VGLL4: variants seen among roughly 807,000 people sequenced by gnomAD.
VGLL4 encodes vestigial like family member 4.
Under a neutral mutation model 21.0 loss-of-function variants are expected in VGLL4, and 7 were observed. The observed-to-expected ratio is 0.33, with a 90% confidence interval of 0.19 to 0.63. The LOEUF is 0.63. Ranked by LOEUF, VGLL4 falls within the 20% of genes least tolerant of loss-of-function variation. The probability of loss-of-function intolerance (pLI) is 0.78; values close to 1 mark genes in which losing one functional copy is unlikely to be tolerated. For synonymous variants in VGLL4, 222 were observed against 173.2 expected (o/e 1.28, Z -2.21); for missense variants, 394 against 425.7 (o/e 0.93, Z 0.66).
At chr3:11,716,013 A>G (rs2076914060) in intron 1 of VGLL4, among the ~76,000 whole-genome samples, 1 of 152,032 alleles carries the variant, frequency 6.6e-6, no homozygotes, top group South Asian at 2.1e-4. Context: ...AATAAAAAGC[A>G]CAAAAATGGG....
At chr3:11,574,941 G>A (rs895474164) in intron 2 of VGLL4, among the ~76,000 whole-genome samples, 1 of 152,000 alleles carries the variant, frequency 6.6e-6, no homozygotes, top group African/African-American at 2.4e-5. Context: ...GAAGCTTGTC[G>A]GCCGAGTTAC....
At chr3:11,573,369 AAG>A (rs1404247932) in intron 2 of VGLL4, among the ~76,000 whole-genome samples, 1 of 144,258 alleles carries the variant, frequency 6.9e-6, no homozygotes, top group Non-Finnish European at 1.5e-5. Context: ...GAAAGAAAGA[AAG>A]AAAGAAAGAA....
At chr3:11,591,614 T>C (rs2074498842) in intron 2 of VGLL4, among the ~76,000 whole-genome samples, 4 of 152,176 alleles carry the variant, frequency 2.6e-5, no homozygotes, top group Admixed American at 1.3e-4. Context: ...ACTGTGAAAA[T>C]GAGAAAATGC....
At chr3:11,608,136 CTTTCTT>C (rs1335080205) in intron 1 of VGLL4, among the ~76,000 whole-genome samples, 1 of 152,150 alleles carries the variant, frequency 6.6e-6, no homozygotes, top group African/African-American at 2.4e-5. Context: ...AAAAGATTAT[CTTTCTT>C]TTTCAAGAAT....
intron 2 of VGLL4, among the ~76,000 whole-genome samples, chr3:11,691,022 G>A (rs1031773707): frequency 6.6e-6 from 1 of 151,778 alleles, no homozygotes; most frequent in African/African-American, 2.4e-5. Flanking sequence ...AACTATACAC[G>A]TATCTAAATC....
At chr3:11,576,230 G>A (rs2074040337) in intron 2 of VGLL4, among the ~76,000 whole-genome samples, 1 of 152,128 alleles carries the variant, frequency 6.6e-6, no homozygotes, top group African/African-American at 2.4e-5. Flanking sequence ...AATTCAGATG[G>A]GGCAGGAATC....
chr3:11,710,902 C>G (rs1280331838), intron 1 of VGLL4, among the ~76,000 whole-genome samples: 1 of 151,604 alleles, frequency 6.6e-6, no homozygotes, highest in Non-Finnish European at 1.5e-5. Context: ...GAGTTCGAAA[C>G]CAGTCTGGCC....
intron 2 of VGLL4, chr3:11,582,282 T>C: frequency 6.2e-7 from 1 of 1,605,904 alleles, no homozygotes; most frequent in Non-Finnish European, 8.5e-7. Context: ...TTCTTGGTAC[T>C]AACCTCACTT....
At chr3:11,591,838 C>G (rs2074506166) in intron 2 of VGLL4, among the ~76,000 whole-genome samples, 1 of 152,202 alleles carries the variant, frequency 6.6e-6, no homozygotes, top group East Asian at 1.9e-4. Context: ...ACGATCCTCC[C>G]TAATGGGAAT....
chr3:11,711,012 A>C (rs2076834569), intron 1 of VGLL4, among the ~76,000 whole-genome samples: 1 of 152,016 alleles, frequency 6.6e-6, no homozygotes, highest in South Asian at 2.1e-4. Flanking sequence ...AGGCAGGAGA[A>C]TCACTCGAAC....
At chr3:11,635,444 G>A (rs147901092) in intron 1 of VGLL4, among the ~76,000 whole-genome samples, 8 of 152,342 alleles carry the variant, frequency 5.3e-5, no homozygotes, top group African/African-American at 1.9e-4. Context: ...GAATTCAGAA[G>A]AGCTTGCAGG....
At chr3:11,675,646 T>C (rs2076279529) in intron 2 of VGLL4, among the ~76,000 whole-genome samples, 1 of 152,220 alleles carries the variant, frequency 6.6e-6, no homozygotes, top group Non-Finnish European at 1.5e-5. Flanking sequence ...TACTTAGATA[T>C]GGAAAACTCA....
chr3:11,705,791 G>A (rs773684057), intron 1 of VGLL4, among the ~76,000 whole-genome samples: 2 of 152,140 alleles, frequency 1.3e-5, no homozygotes, highest in Admixed American at 6.5e-5. Flanking sequence ...GCGCGGTGGC[G>A]GGCACCGTAG....
intron 2 of VGLL4, among the ~76,000 whole-genome samples, chr3:11,578,920 T>G (rs1335651662): frequency 1.3e-5 from 2 of 151,978 alleles, no homozygotes; most frequent in African/African-American, 2.4e-5. Context: ...CGGCTAATTT[T>G]TGTATTTTTA....
At chr3:11,600,149 A>C (rs2074756265) in intron 2 of VGLL4, among the ~76,000 whole-genome samples, 1 of 152,180 alleles carries the variant, frequency 6.6e-6, no homozygotes, top group Non-Finnish European at 1.5e-5. Context: ...AGCTCTTTGC[A>C]TATTTTAACT....
chr3:11,640,567 T>A (rs1343119454), intron 1 of VGLL4, among the ~76,000 whole-genome samples: 1 of 152,218 alleles, frequency 6.6e-6, no homozygotes, highest in Non-Finnish European at 1.5e-5. Context: ...TCAGCCAGAC[T>A]TCGATTCTTC....
intron 2 of VGLL4, among the ~76,000 whole-genome samples, chr3:11,567,893 G>A (rs1005682054): frequency 2.0e-5 from 3 of 152,136 alleles, no homozygotes; most frequent in African/African-American, 7.2e-5. Context: ...ATGCTTCCAC[G>A]GGCCACTTCA....
chr3:11,671,393 C>T (rs764563856), intron 2 of VGLL4: 55 of 865,942 alleles, frequency 6.4e-5, no homozygotes, highest in Non-Finnish European at 8.2e-5. Flanking sequence ...TCCCAGGTGA[C>T]GCTGTGGGCC....
At chr3:11,697,872 G>T (rs981041989) in intron 2 of VGLL4, among the ~76,000 whole-genome samples, 1 of 152,124 alleles carries the variant, frequency 6.6e-6, no homozygotes, top group Non-Finnish European at 1.5e-5. Context: ...ATTTCTTGGG[G>T]CAGATGCAAA....
Sources: gnomAD v4.1 joint callset for allele counts (sites outside exome capture counted in the v4.1 genomes callset) on GRCh38, gnomAD v4.1.1 for gene constraint, MANE v1.5 for transcripts, NCBI Gene and HGNC (gene_info 2026-07-23, HGNC 2026-07-21) for gene names.